The following LMBRD1 variants were observed in gnomAD, a reference collection of about 807,000 sequenced individuals.
The protein encoded by LMBRD1 is lysosomal cobalamin transport escort protein LMBD1.
LMBRD1 carries 64 observed loss-of-function variants against 74.8 expected under a neutral mutation model. That is an observed-to-expected ratio of 0.86 (90% CI 0.70 to 1.05). LMBRD1 has a LOEUF of 1.05. Ranked by LOEUF, LMBRD1 falls within the 50% of genes least tolerant of loss-of-function variation. The pLI, the probability that LMBRD1 is intolerant of heterozygous loss-of-function variation, is 0.00. For synonymous variants in LMBRD1, 204 were observed against 216.3 expected, an observed-to-expected ratio of 0.94 and a Z score of 0.50; for missense variants, 652 against 645.9, an observed-to-expected ratio of 1.01 and a Z score of -0.10.
At chr6:69,769,329 C>T (rs2149886965) in intron 3 of LMBRD1, among the ~76,000 whole-genome samples, 1 of 152,262 alleles carries the variant, frequency 6.6e-6, no homozygotes, top group Admixed American at 6.5e-5. Flanking sequence ...ATTCTTCAAT[C>T]TCAGAATTTT....
At chr6:69,758,420 C>A (rs1765311353) in intron 3 of LMBRD1, among the ~76,000 whole-genome samples, 1 of 152,052 alleles carries the variant, frequency 6.6e-6, no homozygotes, top group African/African-American at 2.4e-5. Context: ...ATATCTATAC[C>A]CATTTCCTTT....
intron 14 of LMBRD1, among the ~76,000 whole-genome samples, chr6:69,687,537 T>C (rs761211703): frequency 3.9e-5 from 6 of 152,290 alleles, no homozygotes; most frequent in Non-Finnish European, 7.4e-5. Flanking sequence ...TAAAATTAAA[T>C]GACCTATGTA....
At chr6:69,793,573 C>T (rs2149899160) in intron 1 of LMBRD1, among the ~76,000 whole-genome samples, 1 of 152,200 alleles carries the variant, frequency 6.6e-6, no homozygotes, top group Non-Finnish European at 1.5e-5. Context: ...CTAGATAGAA[C>T]AGTTTAGATT....
chr6:69,704,153 T>G (rs1200912385), intron 9 of LMBRD1, among the ~76,000 whole-genome samples: 1 of 152,080 alleles, frequency 6.6e-6, no homozygotes, highest in East Asian at 1.9e-4. Context: ...GTTTCTCCAT[T>G]GTACAATTAT....
At chr6:69,779,103 T>C (rs1410296319) in intron 3 of LMBRD1, among the ~76,000 whole-genome samples, 3 of 150,788 alleles carry the variant, frequency 2.0e-5, no homozygotes, top group Non-Finnish European at 2.9e-5. Context: ...GGAGAATCGC[T>C]TGAACCCATG....
At chr6:69,752,379 G>T (rs373477771) in intron 3 of LMBRD1, 23 bp from the exon 4 acceptor site, 4 of 1,569,042 alleles carry the variant, frequency 2.5e-6, no homozygotes, top group East Asian at 2.3e-5. Context: ...ATAATAAACC[G>T]AGCTTTACTA....
chr6:69,786,183 G>T (rs1765940897), intron 2 of LMBRD1, among the ~76,000 whole-genome samples: 1 of 152,090 alleles, frequency 6.6e-6, no homozygotes, highest in Admixed American at 6.6e-5. Context: ...ACCTACAATT[G>T]TCAGGCACAT....
intron 8 of LMBRD1, among the ~76,000 whole-genome samples, chr6:69,717,700 T>C (rs1163640245): frequency 6.6e-6 from 1 of 152,174 alleles, no homozygotes; most frequent in Non-Finnish European, 1.5e-5. Context: ...TTTTTGTTTG[T>C]TTGTTTGTTT....
At chr6:69,683,956 C>G (rs1765712786) in intron 14 of LMBRD1, among the ~76,000 whole-genome samples, 1 of 151,944 alleles carries the variant, frequency 6.6e-6, no homozygotes, top group African/African-American at 2.4e-5. Context: ...CACAGAGTTA[C>G]CAGCAATGAC....
intron 2 of LMBRD1, among the ~76,000 whole-genome samples, chr6:69,780,950 T>A (rs1765821055): frequency 6.6e-6 from 1 of 152,072 alleles, no homozygotes; most frequent in Non-Finnish European, 1.5e-5. Context: ...AAATTGAGCT[T>A]TTGGAAAGGT....
At chr6:69,695,160 G>T (rs1449203134) in intron 14 of LMBRD1, among the ~76,000 whole-genome samples, 2 of 146,986 alleles carry the variant, frequency 1.4e-5, no homozygotes, top group Admixed American at 6.9e-5. Flanking sequence ...GATGATACTG[G>T]TCTATCATTC....
intron 14 of LMBRD1, among the ~76,000 whole-genome samples, chr6:69,681,767 G>C (rs948405525): frequency 1.3e-5 from 2 of 151,902 alleles, no homozygotes; most frequent in Admixed American, 6.6e-5. Flanking sequence ...GCCCATGACT[G>C]TGCCAATTGG....
intron 3 of LMBRD1, among the ~76,000 whole-genome samples, chr6:69,775,761 G>A (rs899555620): frequency 2.0e-5 from 3 of 152,092 alleles, no homozygotes; most frequent in African/African-American, 4.8e-5. Flanking sequence ...TTTTGTCTGC[G>A]CTCTTTGAGT....
intron 4 of LMBRD1, among the ~76,000 whole-genome samples, chr6:69,750,497 C>T (rs1765109699): frequency 6.6e-6 from 1 of 152,010 alleles, no homozygotes; most frequent in African/African-American, 2.4e-5. Context: ...CATTTTAAAT[C>T]GGTCAGAAAT....
At chr6:69,749,437 A>T in intron 4 of LMBRD1, 29 bp from the exon 5 acceptor site, 1 of 1,537,744 alleles carries the variant, frequency 6.5e-7, no homozygotes, top group South Asian at 1.1e-5. Context: ...AAAGTATAAC[A>T]TTTAGCAAGC....
chr6:69,756,897 A>G (rs1306428269), intron 3 of LMBRD1, among the ~76,000 whole-genome samples: 2 of 152,228 alleles, frequency 1.3e-5, no homozygotes, highest in Non-Finnish European at 2.9e-5. Context: ...AACATAGAGA[A>G]CACACCAAGG....
intron 2 of LMBRD1, among the ~76,000 whole-genome samples, chr6:69,783,819 C>A (rs1765888783): frequency 1.3e-5 from 2 of 151,818 alleles, no homozygotes; most frequent in African/African-American, 4.8e-5. Flanking sequence ...CACTGAGAAT[C>A]ACTTAAAAAT....
At chr6:69,748,546 ATT>A (rs1158834009) in intron 5 of LMBRD1, among the ~76,000 whole-genome samples, 1 of 152,040 alleles carries the variant, frequency 6.6e-6, no homozygotes, top group Non-Finnish European at 1.5e-5. Flanking sequence ...TTACTCAACA[ATT>A]TTATTCCCAT....
At chr6:69,709,348 A>G (rs1413049538) in intron 9 of LMBRD1, among the ~76,000 whole-genome samples, 1 of 152,178 alleles carries the variant, frequency 6.6e-6, no homozygotes, top group Non-Finnish European at 1.5e-5. Context: ...TATCTCATTT[A>G]AGGAAAAAAA....
Sources: allele counts gnomAD v4.1 joint callset (sites outside exome capture counted in the v4.1 genomes callset), GRCh38; gene constraint gnomAD v4.1.1; transcripts MANE v1.5; gene names NCBI Gene and HGNC (gene_info 2026-07-23, HGNC 2026-07-21).